DIP2C: variants seen among roughly 807,000 people sequenced by gnomAD.
DIP2C encodes the protein DIP2 acetate--CoA ligase C (putative), also known as disco-interacting protein 2 homolog C.
A neutral mutation model predicts 192.4 loss-of-function variants in DIP2C; 33 were observed. The ratio of observed to expected loss-of-function variants is 0.17; its 90% confidence interval spans 0.13 to 0.23. The LOEUF (loss-of-function observed/expected upper bound fraction) is 0.23. Among genes scored for constraint, DIP2C ranks in the 10% least tolerant of loss-of-function variants. The pLI is 1.00. For missense variants in DIP2C, 1,537 were observed against 2,110.1 expected (o/e 0.73, Z 5.32); for synonymous variants, 979 against 864.1 (o/e 1.13, Z -2.33).
chr10:307,010 A>G (rs1340440771), intron 32 of DIP2C, among the ~76,000 whole-genome samples: 2 of 152,080 alleles, frequency 1.3e-5, no homozygotes, highest in Non-Finnish European at 2.9e-5. Context: ...TTCTTGCTCT[A>G]CCAGCTCCCG....
At chr10:315,848 A>G (rs1298157674) in intron 31 of DIP2C, among the ~76,000 whole-genome samples, 1 of 151,848 alleles carries the variant, frequency 6.6e-6, no homozygotes, top group East Asian at 1.9e-4. Flanking sequence ...GTTCCACTGT[A>G]TTTTCATGCC....
At chr10:506,397 G>T (rs1246918191) in intron 1 of DIP2C, among the ~76,000 whole-genome samples, 1 of 152,172 alleles carries the variant, frequency 6.6e-6, no homozygotes, top group Non-Finnish European at 1.5e-5. Flanking sequence ...GGCCTGGGGA[G>T]AGGCAGTTGG....
chr10:512,309 A>C (rs1846067804), intron 1 of DIP2C, among the ~76,000 whole-genome samples: 1 of 152,236 alleles, frequency 6.6e-6, no homozygotes, highest in Non-Finnish European at 1.5e-5. Context: ...CTGTAATCCC[A>C]GCAGTTTGGG....
At chr10:667,110 T>A (rs966179633) in intron 1 of DIP2C, 3 of 152,258 alleles carry the variant, frequency 2.0e-5, no homozygotes, top group African/African-American at 7.2e-5. Flanking sequence ...TCCCAACACC[T>A]TGGAAGGCCG....
intron 29 of DIP2C, among the ~76,000 whole-genome samples, chr10:331,306 G>A (rs746763744): frequency 3.9e-5 from 6 of 152,090 alleles, no homozygotes; most frequent in East Asian, 1.9e-4. Flanking sequence ...TATTTCAAAC[G>A]GGACCCTTAG....
chr10:314,474 C>T (rs983937768), intron 31 of DIP2C, among the ~76,000 whole-genome samples: 8 of 152,212 alleles, frequency 5.3e-5, no homozygotes, highest in East Asian at 3.9e-4. Context: ...TTTCTAAACT[C>T]GGCACCAGCC....
At chr10:588,338 T>C (rs1353923270) in intron 1 of DIP2C, among the ~76,000 whole-genome samples, 3 of 152,242 alleles carry the variant, frequency 2.0e-5, no homozygotes, top group Non-Finnish European at 4.4e-5. Flanking sequence ...CCTGGGAACT[T>C]AAACTCTGGA....
intron 1 of DIP2C, among the ~76,000 whole-genome samples, chr10:592,265 T>C (rs968133369): frequency 1.1e-4 from 17 of 152,198 alleles, no homozygotes; most frequent in African/African-American, 3.4e-4. Context: ...TTCTGTGTAT[T>C]GGTAACAAGG....
chr10:582,464 T>TC (rs1288033157), intron 1 of DIP2C, among the ~76,000 whole-genome samples: 1 of 152,100 alleles, frequency 6.6e-6, no homozygotes, highest in African/African-American at 2.4e-5. Context: ...GCGCCTGAGG[T>TC]CCCAGCTACT....
intron 1 of DIP2C, among the ~76,000 whole-genome samples, chr10:548,208 A>ACCCCCCCCC (rs33930610): frequency 4.5e-4 from 26 of 58,276 alleles, no homozygotes; most frequent in African/African-American, 1.6e-3. Flanking sequence ...AGTCTGCCCC[A>ACCCCCCCCC]CCCCCCCCCC....
At chr10:406,958 C>T (rs1187465655) in intron 9 of DIP2C, among the ~76,000 whole-genome samples, 4 of 152,176 alleles carry the variant, frequency 2.6e-5, no homozygotes, top group East Asian at 3.9e-4. Flanking sequence ...AAACTCAGTT[C>T]GACCCCCTAC....
chr10:390,508 C>A (rs1963376197), intron 11 of DIP2C, 135 bp from the exon 12 acceptor site: 1 of 1,076,314 alleles, frequency 9.3e-7, no homozygotes. Flanking sequence ...TTCACGAGAT[C>A]TAAGACATCA....
At chr10:630,112 G>C (rs774692064) in intron 1 of DIP2C, 1 of 152,202 alleles carries the variant, frequency 6.6e-6, no homozygotes, top group Non-Finnish European at 1.5e-5. Context: ...ACCTGTGTTA[G>C]GAAATCAAAG....
chr10:345,240 G>A lies in DIP2C; in HGVS notation c.3232-130C>T, dbSNP rs947370251. On this transcript the variant is annotated intron_variant, in intron 26 of 36. Coordinates refer to ENST00000280886, the MANE Select transcript of DIP2C (RefSeq NM_014974.3). The stretch of plus-strand genomic sequence containing the variant: ...TTTAACGGGCAGATGAGGTTACCGA[G>A]CCCTCCTGCTGGCTAAGGTAGGACA... 6.2e-5 allele frequency: 57 copies of A among 925,584 alleles called. No individual in the cohort carries two copies. In the Admixed American group the frequency reaches 9.6e-4, roughly 16 times the overall value. 57.3% of individuals were successfully genotyped at this position (925,584 alleles called of 1,614,324 possible). A position where few individuals can be genotyped will look rare whatever the true frequency, so the allele number is the denominator to read the frequency against.
At position 414,902 on chromosome 10, in the gene DIP2C, ATATATTTT is replaced by A. The variant is rs1483169428; in HGVS notation, c.860-800_860-793del. The stretch of plus-strand genomic sequence containing the variant: ...TGTGTGTGTGTGTGTATATATATAT[ATATATTTT>A]TTTTTTTTTTTGGTAGAGACAGGGT... On this transcript the variant is annotated intron_variant, in intron 7 of 36. Transcript: ENST00000280886. Among the ~76,000 whole-genome samples the A allele has an allele frequency of 5.3e-3, 537 of 102,032 alleles. 11 individuals carry two copies. Among genetic ancestry groups the A allele is most frequent in the African/African-American group, 0.018 (502 of 27,948 alleles). 66.9% of individuals were successfully genotyped at this position (102,032 alleles called of 152,430 possible). A position where few individuals can be genotyped will look rare whatever the true frequency, so the allele number is the denominator to read the frequency against.
intron 1 of DIP2C, among the ~76,000 whole-genome samples, chr10:649,107 G>A (rs1173637198): frequency 2.0e-5 from 3 of 149,978 alleles, no homozygotes; most frequent in Non-Finnish European, 3.0e-5. Flanking sequence ...CACATTGGAC[G>A]GTGGGAGAGA....
chr10:491,435 A>C (rs1844441950), intron 1 of DIP2C, among the ~76,000 whole-genome samples: 1 of 152,250 alleles, frequency 6.6e-6, no homozygotes, highest in East Asian at 1.9e-4. Context: ...AGGCCCCGGA[A>C]GGCAAGGCCG....
intron 29 of DIP2C, among the ~76,000 whole-genome samples, chr10:338,338 T>C (rs1456737334): frequency 2.6e-5 from 4 of 152,122 alleles, no homozygotes; most frequent in Admixed American, 2.6e-4. Flanking sequence ...GGCCTCACGT[T>C]CAGGTGCCGC....
chr10:394,428 C>G (rs1351849587), intron 10 of DIP2C, among the ~76,000 whole-genome samples: 2 of 151,856 alleles, frequency 1.3e-5, no homozygotes, highest in Non-Finnish European at 2.9e-5. Context: ...TTACATCACA[C>G]AGTGGGTGCT....
Sources: allele counts gnomAD v4.1 joint callset (sites outside exome capture counted in the v4.1 genomes callset), GRCh38; gene constraint gnomAD v4.1.1; transcripts MANE v1.5; gene names NCBI Gene and HGNC (gene_info 2026-07-23, HGNC 2026-07-21).